Variants in PRKAB2 observed in about 807,000 individuals in gnomAD.
PRKAB2 encodes the protein protein kinase AMP-activated non-catalytic subunit beta 2, also known as 5'-AMP-activated protein kinase subunit beta-2.
Under a neutral mutation model 29.8 loss-of-function variants are expected in PRKAB2, and 18 were observed. That is an observed-to-expected ratio of 0.60 (90% confidence interval 0.42 to 0.89). The LOEUF is 0.89. Among genes scored for constraint, PRKAB2 ranks in the 40% least tolerant of loss-of-function variants. PRKAB2 has a pLI of 0.00. For synonymous variants in PRKAB2, 136 were observed against 125.9 expected, an observed-to-expected ratio of 1.08 and a Z score of -0.54; for missense variants, 270 against 344.3, an observed-to-expected ratio of 0.78 and a Z score of 1.71.
At chr1:147,160,153 AG>A (rs2101615584) in intron 7 of PRKAB2, among the ~76,000 whole-genome samples, 1 of 152,326 alleles carries the variant, frequency 6.6e-6, no homozygotes, top group South Asian at 2.1e-4. Flanking sequence ...ATTTAAAACC[AG>A]GGATGACTTC....
intron 2 of PRKAB2, 110 bp downstream of exon 2, chr1:147,171,879 A>G (rs1654628449): frequency 1.4e-6 from 2 of 1,409,528 alleles, no homozygotes; most frequent in African/African-American, 2.9e-5. Context: ...CTTTAATTCA[A>G]AAAACCATAG....
intron 2 of PRKAB2, among the ~76,000 whole-genome samples, chr1:147,170,621 C>G (rs1240986480): frequency 6.6e-6 from 1 of 151,952 alleles, no homozygotes; most frequent in South Asian, 2.1e-4. Flanking sequence ...AGTCTGTCAC[C>G]CAGGCTGGAG....
rs782751381 is a variant in PRKAB2 at position 147,166,826 on chromosome 1, C to A, written c.417+20G>T. 6.2e-7 allele frequency: 1 copy of A among 1,605,808 alleles called. No individual in the cohort carries two copies. Among genetic ancestry groups the A allele is most frequent in the Non-Finnish European group, 8.5e-7 (1 of 1,172,620 alleles). On this transcript the variant is annotated intron_variant, in intron 4 of 7. Transcript: ENST00000254101. The stretch of plus-strand genomic sequence containing the variant: ...TGAGACTGCTAAGTCAATGGTTACC[C>A]TTGGAGATCAAGGCCTTACCTCTGA...
chr1:147,169,479 G>A lies in PRKAB2; in HGVS notation c.157-1546C>T, dbSNP rs184568044. 1.4e-4 allele frequency among the ~76,000 whole-genome samples: 21 copies of A among 152,062 alleles called. No individual in the cohort carries two copies. The East Asian group carries it at 4.1e-3, about 29-fold the overall frequency. Reference sequence around the variant, plus strand: ...CCCTCAGATTCGGATGTAAGATCTGGGAACCTATTTTTAAAAAGCTTTCTA... The same window carrying A: ...CCCTCAGATTCGGATGTAAGATCTGAGAACCTATTTTTAAAAAGCTTTCTA... On this transcript the variant is annotated intron_variant, in intron 2 of 7. Coordinates refer to ENST00000254101, the MANE Select transcript of PRKAB2 (RefSeq NM_005399.5).
chr1:147,161,689 G>A (rs782496202), intron 7 of PRKAB2, 23 bp downstream of exon 7: 9 of 1,592,436 alleles, frequency 5.7e-6, no homozygotes, highest in Admixed American at 3.3e-5. Context: ...GGAGCTCTGT[G>A]AAGAGCCAGG....
At position 147,156,357 on chromosome 1, in the gene PRKAB2, G is replaced by A. The variant is rs142437160; in HGVS notation, c.*3208C>T. On this transcript the variant is annotated 3_prime_UTR_variant, in exon 8 of 8. Transcript: ENST00000254101. The stretch of plus-strand genomic sequence containing the variant: ...CCCAGATTAATATAAACCCAGTCTA[G>A]AGGTATCACTTCTTTCCAAACTTAA... 43 of 152,628 alleles carry A rather than the reference G, an allele frequency of 2.8e-4. No homozygotes were observed. The highest frequency in any genetic ancestry group is 1.0e-3 in the African/African-American group (42 of 41,528). The allele number at this position is 152,628 out of a possible 1,614,324, so 9.5% of individuals were successfully genotyped here. A position where few individuals can be genotyped will look rare whatever the true frequency, so the allele number is the denominator to read the frequency against.
chr1:147,166,468 A>G, intron 5 of PRKAB2, 30 bp downstream of exon 5: 1 of 1,606,816 alleles, frequency 6.2e-7, no homozygotes. Context: ...AGAAAGACAC[A>G]GCAAGAGAGA....
chr1:147,169,523 T>C (rs1553914084), intron 2 of PRKAB2, among the ~76,000 whole-genome samples: 2 of 152,122 alleles, frequency 1.3e-5, no homozygotes, highest in African/African-American at 4.8e-5. Context: ...TGTGATTATG[T>C]TAAAATAAAG....
intron 5 of PRKAB2, 116 bp downstream of exon 5, chr1:147,166,380 TCC>T (rs1553913681): frequency 2.2e-5 from 25 of 1,119,794 alleles, no homozygotes; most frequent in Non-Finnish European, 1.2e-6. Flanking sequence ...TCTCTCTCTC[TCC>T]TCCCCCCAAC....
At chr1:147,164,455 T>A (rs782253777) in intron 5 of PRKAB2, among the ~76,000 whole-genome samples, 1 of 152,210 alleles carries the variant, frequency 6.6e-6, no homozygotes, top group Non-Finnish European at 1.5e-5. Context: ...GTACAATTGT[T>A]ATGTGTCAAT....
In PRKAB2 at chr1:147,166,634, G is replaced by GA. The variant is rs782274836; in HGVS notation, c.418-17dup. On this transcript the variant is annotated splice_polypyrimidine_tract_variant and intron_variant, in intron 4 of 7. Coordinates refer to ENST00000254101, the MANE Select transcript of PRKAB2 (RefSeq NM_005399.5). ...TAACCACAGGCTGAAACAGTGAATA[G>GA]AAAAAATTATTGAATCTCTCTTTCA... 5.0e-6 allele frequency: 8 copies of GA among 1,605,412 alleles called. No individual in the cohort carries two copies. The highest frequency in any genetic ancestry group is 5.9e-6 in the Non-Finnish European group (7 of 1,177,382).
chr1:147,162,469 C>T lies in PRKAB2; in HGVS notation c.643G>A (p.Val215Ile). Reference sequence around the variant, plus strand: ...ATATTAGTGTCTTTGTTAAGAATAACTTGAAGTAGATGAGGAGGAAGGATG... The same window carrying T: ...ATATTAGTGTCTTTGTTAAGAATAATTTGAAGTAGATGAGGAGGAAGGATG... The part of the protein sequence containing the change: ...PPILPPHLLQ[V>I]ILNKDTNISC... The change falls in exon 6 of 8, where the codon GTT (valine) becomes ATT (isoleucine). Residue 215 changes from valine to isoleucine, a missense_variant. Coordinates refer to ENST00000254101, the MANE Select transcript of PRKAB2 (RefSeq NM_005399.5). 4 of 1,612,558 alleles carry T rather than the reference C, an allele frequency of 2.5e-6. No homozygotes were observed. The highest frequency in any genetic ancestry group is 3.4e-6 in the Non-Finnish European group (4 of 1,178,794).
intron 7 of PRKAB2, 55 bp from the exon 8 acceptor site, chr1:147,159,697 T>C: frequency 9.5e-6 from 14 of 1,477,046 alleles, no homozygotes; most frequent in Admixed American, 8.6e-5. Flanking sequence ...AGTAGGTAGC[T>C]CTTCCCAGTC....
intron 5 of PRKAB2, among the ~76,000 whole-genome samples, chr1:147,165,528 C>T (rs992136287): frequency 6.6e-6 from 1 of 152,126 alleles, no homozygotes; most frequent in Non-Finnish European, 1.5e-5. Flanking sequence ...GCTTTGAACT[C>T]ACAGGAGAGA....
chr1:147,161,896 T>G, intron 6 of PRKAB2, 116 bp from the exon 7 acceptor site: 25 of 749,212 alleles, frequency 3.3e-5, no homozygotes, highest in Non-Finnish European at 5.1e-5. Context: ...TAGAATGCGC[T>G]ATCTCTTTTC....
chr1:147,172,376 G>T, intron 1 of PRKAB2, 53 bp downstream of exon 1: 1 of 590,350 alleles, frequency 1.7e-6, no homozygotes, highest in Non-Finnish European at 2.8e-6. Context: ...CCGCTATCGG[G>T]ACCTCCCCCG....
In PRKAB2 at chr1:147,160,221, A is replaced by C. The variant is rs76050707; in HGVS notation, c.742-579T>G. Among the ~76,000 whole-genome samples, 811 of 152,280 alleles carry C rather than the reference A, an allele frequency of 5.3e-3. 7 individuals are homozygous for C. Among genetic ancestry groups the C allele is most frequent in the Non-Finnish European group, 9.6e-3 (652 of 68,024 alleles). ...GGAATCCCTCTCTATCCTTGAACAA[A>C]GTAGATGTCAAAATCCTCTTCAGAA... is the stretch of plus-strand genomic sequence containing the variant. On this transcript the variant is annotated intron_variant, in intron 7 of 7. Coordinates refer to ENST00000254101, the MANE Select transcript of PRKAB2 (RefSeq NM_005399.5).
In PRKAB2 at chr1:147,159,312, C is replaced by G. The variant is rs1397446324; in HGVS notation, c.*253G>C. 4.7e-6 allele frequency: 2 copies of G among 428,958 alleles called. No individual in the cohort carries two copies. Among genetic ancestry groups the G allele is most frequent in the Non-Finnish European group, 8.3e-6 (2 of 241,024 alleles). The allele number at this position is 428,958 out of a possible 1,614,324, so 26.6% of individuals were successfully genotyped here. The stretch of plus-strand genomic sequence containing the variant: ...AAACCCACAGGCAGAAACAATACTT[C>G]TAGCTGGGGCTAGGAGGCTTCCATT... On this transcript the variant is annotated 3_prime_UTR_variant, in exon 8 of 8. Transcript: ENST00000254101.
chr1:147,163,987 A>G (rs1654108072), intron 5 of PRKAB2, among the ~76,000 whole-genome samples: 1 of 152,018 alleles, frequency 6.6e-6, no homozygotes, highest in Admixed American at 6.6e-5. Context: ...CCGAGTCTGG[A>G]GTGCAGTGGC....
Sources: gnomAD v4.1 joint callset for allele counts (sites outside exome capture counted in the v4.1 genomes callset) on GRCh38, gnomAD v4.1.1 for gene constraint, MANE v1.5 for transcripts, NCBI Gene and HGNC (gene_info 2026-07-23, HGNC 2026-07-21) for gene names.